SLC35G2: variants seen among roughly 807,000 people sequenced by gnomAD.
SLC35G2 encodes solute carrier family 35 member G2, also known as transmembrane protein 22.
Under a neutral mutation model 27.2 loss-of-function variants are expected in SLC35G2, and 20 were observed. The observed-to-expected ratio is 0.74, with a 90% confidence interval of 0.52 to 1.07. The LOEUF (loss-of-function observed/expected upper bound fraction) is 1.07. Among genes scored for constraint, SLC35G2 ranks in the 50% least tolerant of loss-of-function variants. The pLI is 0.00. For missense variants in SLC35G2, 416 were observed against 493.3 expected, an observed-to-expected ratio of 0.84 and a Z score of 1.48; for synonymous variants, 148 against 165.3, an observed-to-expected ratio of 0.90 and a Z score of 0.80.
intron 1 of SLC35G2, among the ~76,000 whole-genome samples, chr3:136,825,486 G>A (rs1262865159): frequency 2.6e-5 from 4 of 151,818 alleles, no homozygotes; most frequent in Non-Finnish European, 5.9e-5. Context: ...CAAGTGACCC[G>A]CCCCCTCAGC....
At chr3:136,844,369 G>A (rs1324775010) in intron 1 of SLC35G2, among the ~76,000 whole-genome samples, 1 of 151,212 alleles carries the variant, frequency 6.6e-6, no homozygotes. Context: ...CGCGCCTGTA[G>A]TTCCAGCTAC....
intron 1 of SLC35G2, among the ~76,000 whole-genome samples, chr3:136,822,976 G>A (rs1466152129): frequency 6.6e-6 from 1 of 152,014 alleles, no homozygotes; most frequent in Non-Finnish European, 1.5e-5. Flanking sequence ...ATTTTTTTGA[G>A]GCACCTCCAA....
At chr3:136,824,505 G>A (rs1373624268) in intron 1 of SLC35G2, among the ~76,000 whole-genome samples, 1 of 151,994 alleles carries the variant, frequency 6.6e-6, no homozygotes, top group Admixed American at 6.6e-5. Flanking sequence ...TTACTTTTTT[G>A]ATTTCCCTTT....
In SLC35G2 at chr3:136,855,692, T is replaced by C. The variant is rs1376867102; in HGVS notation, c.1232T>C (p.Ile411Thr). Residue 411 changes from isoleucine (I) to threonine (T), a missense_variant, in exon 2 of 2, where the codon ATT (isoleucine) becomes ACT (threonine). Transcript: ENST00000446465. The part of the protein sequence containing the change: ...QDYQEILDSP[I>T]K ...TACCAGGAAATACTAGACTCTCCCATTAAATGAATACCTGATTATTATTGT... is the reference window on the plus strand; with the variant it reads ...TACCAGGAAATACTAGACTCTCCCACTAAATGAATACCTGATTATTATTGT... 1.3e-6 allele frequency: 2 copies of C among 1,590,746 alleles called. No individual in the cohort carries two copies. The highest frequency in any genetic ancestry group is 8.6e-7 in the Non-Finnish European group (1 of 1,159,272).
intron 1 of SLC35G2, among the ~76,000 whole-genome samples, chr3:136,845,024 C>T (rs1025622993): frequency 1.3e-5 from 2 of 152,102 alleles, no homozygotes; most frequent in South Asian, 2.1e-4. Context: ...TCCATATTAA[C>T]TAGCCATTAA....
At chr3:136,833,309 A>G (rs1250788592) in intron 1 of SLC35G2, among the ~76,000 whole-genome samples, 1 of 152,158 alleles carries the variant, frequency 6.6e-6, no homozygotes, top group Non-Finnish European at 1.5e-5. Flanking sequence ...TCTGGAAATT[A>G]CATGGAGAAA....
intron 1 of SLC35G2, among the ~76,000 whole-genome samples, chr3:136,850,694 A>T (rs1000146391): frequency 6.9e-6 from 1 of 145,066 alleles, no homozygotes; most frequent in African/African-American, 2.5e-5. Context: ...TTGTTGAATT[A>T]AAAAAAAAAA....
chr3:136,849,565 C>T (rs1323696666), intron 1 of SLC35G2, among the ~76,000 whole-genome samples: 1 of 151,748 alleles, frequency 6.6e-6, no homozygotes, highest in Non-Finnish European at 1.5e-5. Context: ...GATCTTGGCT[C>T]ACTGCAACCT....
chr3:136,823,533 A>G (rs181730513), intron 1 of SLC35G2, among the ~76,000 whole-genome samples: 7 of 152,288 alleles, frequency 4.6e-5, no homozygotes. Context: ...AAGTAGTTTT[A>G]TAGTTCGAAG....
intron 1 of SLC35G2, among the ~76,000 whole-genome samples, chr3:136,823,768 T>G (rs1025562001): frequency 6.6e-6 from 1 of 151,264 alleles, no homozygotes; most frequent in African/African-American, 2.4e-5. Flanking sequence ...GCTAATTTTT[T>G]TTTTTTTTTG....
intron 1 of SLC35G2, among the ~76,000 whole-genome samples, chr3:136,844,130 T>G (rs1024680883): frequency 2.0e-5 from 3 of 152,054 alleles, no homozygotes; most frequent in East Asian, 1.9e-4. Context: ...AAGCGGAGGT[T>G]GCAGTGAGCC....
At chr3:136,826,590 A>C (rs1282293280) in intron 1 of SLC35G2, among the ~76,000 whole-genome samples, 5 of 152,076 alleles carry the variant, frequency 3.3e-5, no homozygotes, top group Non-Finnish European at 4.4e-5. Flanking sequence ...GATCCTTTGA[A>C]TTTCTGTGGT....
At position 136,855,753 on chromosome 3, in the gene SLC35G2, T is replaced by C. The variant is rs911901949; in HGVS notation, c.*54T>C. 1 of 1,344,970 alleles carries C rather than the reference T, an allele frequency of 7.4e-7. No homozygotes were observed. The highest frequency in any genetic ancestry group is 1.1e-6 in the Non-Finnish European group (1 of 940,502). The allele number at this position is 1,344,970 out of a possible 1,614,324, so 83.3% of individuals were successfully genotyped here. On this transcript the variant is annotated 3_prime_UTR_variant, in exon 2 of 2. Coordinates refer to ENST00000446465, the MANE Select transcript of SLC35G2 (RefSeq NM_025246.3). Reference sequence around the variant, plus strand: ...TTCAGTTATTATGTATACTGCCATTTTAATGTTTACCTATGAATGTCTTTT... The same window carrying C: ...TTCAGTTATTATGTATACTGCCATTCTAATGTTTACCTATGAATGTCTTTT...
intron 1 of SLC35G2, among the ~76,000 whole-genome samples, chr3:136,843,657 G>C (rs564842208): frequency 6.6e-6 from 1 of 151,228 alleles, no homozygotes; most frequent in Non-Finnish European, 1.5e-5. Flanking sequence ...AAAAGGCTGG[G>C]CGCAGTGGCT....
intron 1 of SLC35G2, among the ~76,000 whole-genome samples, chr3:136,846,151 T>C (rs1378928459): frequency 6.6e-6 from 1 of 152,156 alleles, no homozygotes; most frequent in South Asian, 2.1e-4. Flanking sequence ...AACCGCAATA[T>C]TGGCACTTCT....
chr3:136,821,792 G>C (rs1488960087), intron 1 of SLC35G2, among the ~76,000 whole-genome samples: 1 of 152,080 alleles, frequency 6.6e-6, no homozygotes, highest in Non-Finnish European at 1.5e-5. Flanking sequence ...ATTGTTGATA[G>C]GTGCAATGCT....
In SLC35G2 at chr3:136,854,217, A is replaced by T. The variant is rs892504100; in HGVS notation, c.-18-226A>T. On this transcript the variant is annotated intron_variant, in intron 1 of 1. Coordinates refer to ENST00000446465, the MANE Select transcript of SLC35G2 (RefSeq NM_025246.3). ...AGAGCTGAATTAAACAAGTAAGCAA[A>T]GAGAAATGGAGACAGACTTCAGATG... Among the ~76,000 whole-genome samples, 3 of 152,334 alleles carry T rather than the reference A, an allele frequency of 2.0e-5. No homozygotes were observed. In the East Asian group the frequency reaches 5.8e-4, roughly 29 times the overall value.
chr3:136,835,930 GA>G (rs1245476339), intron 1 of SLC35G2, among the ~76,000 whole-genome samples: 1 of 152,150 alleles, frequency 6.6e-6, no homozygotes, highest in Non-Finnish European at 1.5e-5. Context: ...TGGGGTGCAA[GA>G]CATTTCAGGC....
chr3:136,841,042 G>C (rs1386019149), intron 1 of SLC35G2, among the ~76,000 whole-genome samples: 1 of 149,390 alleles, frequency 6.7e-6, no homozygotes, highest in African/African-American at 2.5e-5. Flanking sequence ...TGCCCAGGCT[G>C]GTCTTGAACT....
Sources: gnomAD v4.1 joint callset for allele counts (sites outside exome capture counted in the v4.1 genomes callset) on GRCh38, gnomAD v4.1.1 for gene constraint, MANE v1.5 for transcripts, NCBI Gene and HGNC (gene_info 2026-07-23, HGNC 2026-07-21) for gene names.